RRP7A: variants seen among roughly 807,000 people sequenced by gnomAD.
RRP7A encodes ribosomal RNA-processing protein 7 homolog A.
RRP7A carries 27 observed loss-of-function variants against 38.4 expected under a neutral mutation model. The observed-to-expected ratio is 0.70, with a 90% CI of 0.52 to 0.97. The LOEUF is 0.97. Among genes scored for constraint, RRP7A ranks in the 50% least tolerant of loss-of-function variants. The pLI, the probability that RRP7A is intolerant of heterozygous loss-of-function variation, is 0.00. For missense variants in RRP7A, 327 were observed against 375.4 expected (o/e 0.87, Z 1.07); for synonymous variants, 124 against 150.3 (o/e 0.83, Z 1.28).
intron 3 of RRP7A, among the ~76,000 whole-genome samples, chr22:42,515,681 C>T (rs1920927636): frequency 6.6e-6 from 1 of 152,272 alleles, no homozygotes; most frequent in East Asian, 1.9e-4. Flanking sequence ...AACAACAGTG[C>T]TCCTGGAGAC....
rs1932434459 is a variant in RRP7A at position 42,510,796 on chromosome 22, T to C, written c.*2114A>G. On this transcript the variant is annotated 3_prime_UTR_variant, in exon 7 of 7. Coordinates refer to ENST00000323013, the MANE Select transcript of RRP7A (RefSeq NM_015703.5). ...CTGGTCCCACCTCACCCATCTCTTC[T>C]CATGCACTGGGAAAGACCCCTGGTC... 1 of 1,344,006 alleles carries C rather than the reference T, an allele frequency of 7.4e-7. No homozygotes were observed. The highest frequency in any genetic ancestry group is 9.7e-7 in the Non-Finnish European group (1 of 1,032,774). 83.3% of individuals were successfully genotyped at this position (1,344,006 alleles called of 1,614,324 possible).
At chr22:42,515,753 G>A (rs1190133410) in intron 3 of RRP7A, among the ~76,000 whole-genome samples, 5 of 152,192 alleles carry the variant, frequency 3.3e-5, no homozygotes, top group Admixed American at 2.6e-4. Context: ...AGCCGGGGAA[G>A]GCCCTGCAGG....
intron 3 of RRP7A, among the ~76,000 whole-genome samples, 172 bp from the exon 4 acceptor site, chr22:42,515,440 C>T (rs1465529534): frequency 1.3e-5 from 2 of 152,252 alleles, no homozygotes; most frequent in Non-Finnish European, 2.9e-5. Flanking sequence ...GAGGCAGCCA[C>T]ACTTCCAGTA....
rs1399953202 is a variant in RRP7A at position 42,512,814 on chromosome 22, C to T, written c.*96G>A. 3.1e-5 allele frequency: 41 copies of T among 1,310,884 alleles called. No homozygotes were observed. The highest frequency in any genetic ancestry group is 1.2e-4 in the African/African-American group (8 of 69,212). The allele number at this position is 1,310,884 out of a possible 1,614,324, so 81.2% of individuals were successfully genotyped here. A position where few individuals can be genotyped will look rare whatever the true frequency, so the allele number is the denominator to read the frequency against. On this transcript the variant is annotated 3_prime_UTR_variant, in exon 7 of 7. Coordinates refer to ENST00000323013, the MANE Select transcript of RRP7A (RefSeq NM_015703.5). ...ACGCGGTGGCCTTCAACCTGGGGCC[C>T]GTTGGCCAGAGCTCGGCCTCTCAGA...
In RRP7A at chr22:42,512,527, A is replaced by G. The variant is rs1471783665; in HGVS notation, c.*383T>C. 36 of 540,702 alleles carry G rather than the reference A, an allele frequency of 6.7e-5. No individual in the cohort carries two copies. The East Asian group carries it at 9.2e-4, about 14-fold the overall frequency. The allele number at this position is 540,702 out of a possible 1,614,324, so 33.5% of individuals were successfully genotyped here. ...CCACCTAGCCTTTCCCTGCTGCCCA[A>G]CTGGATGGAAAATAAAAGGTTCTTG... On this transcript the variant is annotated 3_prime_UTR_variant, in exon 7 of 7. Transcript: ENST00000323013.
intron 2 of RRP7A, among the ~76,000 whole-genome samples, chr22:42,516,624 T>G (rs923972379): frequency 5.9e-5 from 9 of 152,258 alleles, no homozygotes; most frequent in African/African-American, 2.2e-4. Context: ...ATTCCTGCTC[T>G]CTCACTGGAG....
At position 42,512,660 on chromosome 22, in the gene RRP7A, AG is replaced by A; in HGVS notation, c.*249del. On this transcript the variant is annotated 3_prime_UTR_variant, in exon 7 of 7. Coordinates refer to ENST00000323013, the MANE Select transcript of RRP7A (RefSeq NM_015703.5). ...CAGGGTCCTGGAGAGGAGGGTGTGG[AG>A]GCAAGAAGCAGGAAGGACAAGTCCT... 1.7e-6 allele frequency: 1 copy of A among 593,748 alleles called. No homozygotes were observed. Among genetic ancestry groups the A allele is most frequent in the Admixed American group, 2.9e-5 (1 of 34,022 alleles). The allele number at this position is 593,748 out of a possible 1,614,324, so 36.8% of individuals were successfully genotyped here. A position where few individuals can be genotyped will look rare whatever the true frequency, so the allele number is the denominator to read the frequency against.
chr22:42,518,968 T>C (rs143091173), intron 1 of RRP7A, among the ~76,000 whole-genome samples: 3,001 of 127,070 alleles, frequency 0.024, 69 homozygotes, highest in Admixed American at 0.035. Flanking sequence ...AGAGGTCTTC[T>C]TTCCATAGGC....
At chr22:42,513,423 C>T (rs931384462) in intron 6 of RRP7A, among the ~76,000 whole-genome samples, 2 of 107,266 alleles carry the variant, frequency 1.9e-5, no homozygotes, top group African/African-American at 6.7e-5. Flanking sequence ...GAGGGGGAAG[C>T]TGAGGGTCTA....
At chr22:42,518,235 C>G (rs1895991316) in intron 1 of RRP7A, 88 bp from the exon 2 acceptor site, 6 of 1,062,900 alleles carry the variant, frequency 5.6e-6, no homozygotes, top group Non-Finnish European at 8.6e-6. Flanking sequence ...TCTCCACATC[C>G]CTGTCTAGTC....
At position 42,510,728 on chromosome 22, in the gene RRP7A, A is replaced by T. The variant is rs568919240; in HGVS notation, c.*2182T>A. The T allele has an allele frequency of 4.3e-5, 65 of 1,516,342 alleles. No individual in the cohort carries two copies. Among genetic ancestry groups the T allele is most frequent in the Non-Finnish European group, 5.7e-5 (64 of 1,123,704 alleles). 93.9% of individuals were successfully genotyped at this position (1,516,342 alleles called of 1,614,324 possible). A position where few individuals can be genotyped will look rare whatever the true frequency, so the allele number is the denominator to read the frequency against. On this transcript the variant is annotated 3_prime_UTR_variant, in exon 7 of 7. Transcript: ENST00000323013. Reference sequence around the variant, plus strand: ...AATGAAATCCACCCTCAAAGAGGTAAGGCGGGGCTCAGGCAGCTGGTGTCC... The same window carrying T: ...AATGAAATCCACCCTCAAAGAGGTATGGCGGGGCTCAGGCAGCTGGTGTCC...
Position 42,518,138 on chromosome 22 carries a change from A to T in RRP7A, c.83T>A (p.Ile28Asn). 2 of 1,612,462 alleles carry T rather than the reference A, an allele frequency of 1.2e-6. No homozygotes were observed. ...AGCCTGTTGCTTTTCAGAGAACTTGATTGGAATAGCTGGAAAGGAAATGGG... is the reference window on the plus strand; with the variant it reads ...AGCCTGTTGCTTTTCAGAGAACTTGTTTGGAATAGCTGGAAAGGAAATGGG... ...PSPLGYAAIP[I>N]KFSEKQQASH... is the part of the protein sequence containing the mutation. The change falls in exon 2 of 7, where the codon ATC (isoleucine) becomes AAC (asparagine). Residue 28 changes from isoleucine to asparagine, a missense_variant. Transcript: ENST00000323013.
rs1197856617 is a variant in RRP7A at position 42,512,548 on chromosome 22, T to A, written c.*362A>T. ...CCCAACTGGATGGAAAATAAAAGGTTCTTGTATTCTCACTGCTTTTGAGGC... is the reference window on the plus strand; with the variant it reads ...CCCAACTGGATGGAAAATAAAAGGTACTTGTATTCTCACTGCTTTTGAGGC... On this transcript the variant is annotated 3_prime_UTR_variant, in exon 7 of 7. Transcript: ENST00000323013. The A allele has an allele frequency of 1.9e-6, 1 of 540,064 alleles. No individual in the cohort carries two copies. Among genetic ancestry groups the A allele is most frequent in the Non-Finnish European group, 3.3e-6 (1 of 300,954 alleles). 33.5% of individuals were successfully genotyped at this position (540,064 alleles called of 1,614,324 possible). A position where few individuals can be genotyped will look rare whatever the true frequency, so the allele number is the denominator to read the frequency against.
In RRP7A at chr22:42,509,203, C is replaced by A; in HGVS notation, c.*3707G>T. The A allele has an allele frequency of 2.1e-5, 33 of 1,578,602 alleles. No individual in the cohort carries two copies. The highest frequency in any genetic ancestry group is 2.8e-5 in the Non-Finnish European group (32 of 1,162,070). On this transcript the variant is annotated 3_prime_UTR_variant, in exon 7 of 7. Transcript: ENST00000323013. ...GGGCCCTGGCATGAGGCTCCAAGTT[C>A]TCTGCGTGTCGACCACATCGCTAAG...
At position 42,519,765 on chromosome 22, in the gene RRP7A, A is replaced by C; in HGVS notation, c.22T>G (p.Cys8Gly). ...CGGTCCTCCGGGTCCCGCGCGGCGC[A>C]CTTCCTCCTGCGCGCCACCATCTTG... MVARRRK[C>G]AARDPEDRIP... Residue 8 changes from cysteine (C) to glycine (G), a missense_variant, in exon 1 of 7, where the codon TGC (cysteine) becomes GGC (glycine). Coordinates refer to ENST00000323013, the MANE Select transcript of RRP7A (RefSeq NM_015703.5). 1 of 1,450,460 alleles carries C rather than the reference A, an allele frequency of 6.9e-7. No homozygotes were observed. The allele number at this position is 1,450,460 out of a possible 1,614,324, so 89.8% of individuals were successfully genotyped here.
intron 2 of RRP7A, 29 bp from the exon 3 acceptor site, chr22:42,516,165 G>C: frequency 6.2e-7 from 1 of 1,610,680 alleles, no homozygotes; most frequent in Non-Finnish European, 8.5e-7. Context: ...AGCCAAGTGT[G>C]AGCATCCGCA....
chr22:42,515,943 C>G (rs1601807273), intron 3 of RRP7A, 68 bp downstream of exon 3: 2 of 1,516,168 alleles, frequency 1.3e-6, no homozygotes, highest in Non-Finnish European at 1.8e-6. Flanking sequence ...ACTGCCAGCT[C>G]CCCCAACACA....
In RRP7A at chr22:42,508,841, G is replaced by T. The variant is rs1932351807; in HGVS notation, c.*4069C>A. On this transcript the variant is annotated 3_prime_UTR_variant, in exon 7 of 7. Transcript: ENST00000323013. ...GGGAGAACAGACTTGGAGAGGGCAG[G>T]AGTCTCTGGCCACCAGGGGCTAAAG... Among the ~76,000 whole-genome samples the T allele has an allele frequency of 1.3e-5, 2 of 152,184 alleles. No homozygotes were observed. The highest frequency in any genetic ancestry group is 1.3e-4 in the Admixed American group (2 of 15,288).
Position 42,511,844 on chromosome 22 carries a change from C to G in RRP7A, c.*1066G>C, listed in dbSNP as rs1172860072. Reference sequence around the variant, plus strand: ...TACTTCGGATACAATCACAGCAACCCTGGCCTCGGCCCTGCCCTGTCCCTG... The same window carrying G: ...TACTTCGGATACAATCACAGCAACCGTGGCCTCGGCCCTGCCCTGTCCCTG... On this transcript the variant is annotated 3_prime_UTR_variant, in exon 7 of 7. Coordinates refer to ENST00000323013, the MANE Select transcript of RRP7A (RefSeq NM_015703.5). 5 of 486,008 alleles carry G rather than the reference C, an allele frequency of 1.0e-5. No individual in the cohort carries two copies. The highest frequency in any genetic ancestry group is 7.8e-5 in the African/African-American group (4 of 51,214). 30.1% of individuals were successfully genotyped at this position (486,008 alleles called of 1,614,324 possible). A position where few individuals can be genotyped will look rare whatever the true frequency, so the allele number is the denominator to read the frequency against.
Sources: gnomAD v4.1 joint callset for allele counts (sites outside exome capture counted in the v4.1 genomes callset) on GRCh38, gnomAD v4.1.1 for gene constraint, MANE v1.5 for transcripts, NCBI Gene and HGNC (gene_info 2026-07-23, HGNC 2026-07-21) for gene names.